WDR20: variants seen among roughly 807,000 people sequenced by gnomAD.
The protein encoded by WDR20 is WD repeat-containing protein 20.
WDR20 carries 3 observed loss-of-function variants against 38.7 expected under a neutral mutation model. That is an observed-to-expected ratio of 0.08 (90% CI 0.04 to 0.20). WDR20 has a LOEUF of 0.20. Among genes scored for constraint, WDR20 ranks in the 10% least tolerant of loss-of-function variants. The pLI, the probability that WDR20 is intolerant of heterozygous loss-of-function variation, is 1.00. For synonymous variants in WDR20, 298 were observed against 285.6 expected, an observed-to-expected ratio of 1.04 and a Z score of -0.44; for missense variants, 559 against 727.7, an observed-to-expected ratio of 0.77 and a Z score of 2.67.
chr14:102,150,527 A>G (rs1291269950), intron 1 of WDR20, among the ~76,000 whole-genome samples: 1 of 152,138 alleles, frequency 6.6e-6, no homozygotes, highest in African/African-American at 2.4e-5. Flanking sequence ...TAGTTACCGC[A>G]TTGTAGATTA....
Position 102,222,603 on chromosome 14 carries a change from G to A in WDR20, c.1693-227G>A, listed in dbSNP as rs143244586. On this transcript the variant is annotated intron_variant, in intron 3 of 3. Coordinates refer to the WDR20 transcript ENST00000335263. The surrounding 1 kb of genome is among the most constrained non-coding windows in gnomAD (Gnocchi z 4.4). ...AGCCCTGCCCGCCCTTCTCTTGGACGGTATTGAGGCCACAGTATTGCACCC... is the reference window on the plus strand; with the variant it reads ...AGCCCTGCCCGCCCTTCTCTTGGACAGTATTGAGGCCACAGTATTGCACCC... Among the ~76,000 whole-genome samples, 36 of 152,282 alleles carry A rather than the reference G, an allele frequency of 2.4e-4. No individual in the cohort carries two copies. Among genetic ancestry groups the A allele is most frequent in the Middle Eastern group, 3.4e-3 (1 of 294 alleles).
intron 1 of WDR20, among the ~76,000 whole-genome samples, chr14:102,166,237 C>T (rs2059760519): frequency 1.3e-5 from 2 of 152,066 alleles, no homozygotes; most frequent in Admixed American, 6.6e-5. Context: ...TCTCAGCCTC[C>T]CCTAAGCAAG....
intron 1 of WDR20, among the ~76,000 whole-genome samples, chr14:102,173,433 AATT>A (rs59078063): frequency 0.044 from 6,079 of 138,744 alleles, 267 homozygotes; most frequent in African/African-American, 0.11. Context: ...CTTTTTTTAA[AATT>A]ATTATTATTA....
intron 2 of WDR20, among the ~76,000 whole-genome samples, chr14:102,200,414 C>T (rs2060097856): frequency 6.6e-6 from 1 of 151,546 alleles, no homozygotes; most frequent in East Asian, 1.9e-4. Flanking sequence ...ATTCAGCTCA[C>T]TGTGGTGAAG....
chr14:102,149,055 C>G (rs996469145), intron 1 of WDR20, among the ~76,000 whole-genome samples: 1 of 151,892 alleles, frequency 6.6e-6, no homozygotes, highest in Non-Finnish European at 1.5e-5. Context: ...CGCAGCTACT[C>G]GGAAGGCTGA....
chr14:102,149,215 G>A (rs953201321), intron 1 of WDR20, among the ~76,000 whole-genome samples: 2 of 152,042 alleles, frequency 1.3e-5, no homozygotes, highest in African/African-American at 4.8e-5. Flanking sequence ...TTCTTTTGTA[G>A]AGACTGGGTC....
At position 102,210,143 on chromosome 14, in the gene WDR20, C is replaced by G. The variant is rs1056522323; in HGVS notation, c.*263C>G. ...AGTATATAGAGTCCCAAGGTTAGCG[C>G]TCCTGTATTAGACTATTTCAATTTT... On this transcript the variant is annotated 3_prime_UTR_variant, in exon 3 of 3. Transcript: ENST00000342702. 4 of 1,179,916 alleles carry G rather than the reference C, an allele frequency of 3.4e-6. No homozygotes were observed. The highest frequency in any genetic ancestry group is 4.2e-6 in the Non-Finnish European group (4 of 953,370). 73.1% of individuals were successfully genotyped at this position (1,179,916 alleles called of 1,614,324 possible). A position where few individuals can be genotyped will look rare whatever the true frequency, so the allele number is the denominator to read the frequency against.
Position 102,209,401 on chromosome 14 carries a change from G to A in WDR20, c.1231G>A (p.Ala411Thr). 6.2e-7 allele frequency: 1 copy of A among 1,614,168 alleles called. No homozygotes were observed. Among genetic ancestry groups the A allele is most frequent in the Non-Finnish European group, 8.5e-7 (1 of 1,180,034 alleles). Residue 411 changes from alanine to threonine, a missense_variant, in exon 3 of 3, where the codon GCT (alanine) becomes ACT (threonine). Physicochemically the swap from Ala to Thr is moderately conservative, Grantham distance 58. Transcript: ENST00000342702. The surrounding 1 kb of genome is among the most constrained non-coding windows in gnomAD (Gnocchi z 6.0). ...TGTCATGAATGCCACGAGTCCTCCT[G>A]CTGGAAGCAATGGGAACAGTGTTAC... ...TNVMNATSPPAGSNGNSVTTP... is the reference protein window; with the variant it reads ...TNVMNATSPPTGSNGNSVTTP...
At chr14:102,213,508 A>G, downstream of WDR20, 3 of 985,466 alleles carry the variant, frequency 3.0e-6, no homozygotes, top group Non-Finnish European at 3.6e-6. Flanking sequence ...GAAAGGAGCT[A>G]TCACAATCAT....
At chr14:102,187,901 G>A (rs928541727) in intron 1 of WDR20, among the ~76,000 whole-genome samples, 1 of 152,122 alleles carries the variant, frequency 6.6e-6, no homozygotes, top group African/African-American at 2.4e-5. Flanking sequence ...GAGTGCTTTG[G>A]GTGTAGGCCA....
intron 2 of WDR20, 77 bp downstream of exon 2, chr14:102,195,197 T>A: frequency 2.6e-6 from 4 of 1,521,314 alleles, no homozygotes; most frequent in Non-Finnish European, 2.7e-6. Context: ...GTCGGCCTTA[T>A]TTTGCACTTC....
chr14:102,163,376 C>T (rs2059144550), intron 1 of WDR20, among the ~76,000 whole-genome samples: 1 of 151,968 alleles, frequency 6.6e-6, no homozygotes, highest in Non-Finnish European at 1.5e-5. Context: ...GCCTGTAATC[C>T]CAGCACTTTG....
chr14:102,177,032 A>G (rs780847198), intron 1 of WDR20, among the ~76,000 whole-genome samples: 4 of 152,138 alleles, frequency 2.6e-5, no homozygotes, highest in Admixed American at 1.3e-4. Flanking sequence ...CCCACCTTGC[A>G]GTTACCATTT....
In WDR20 at chr14:102,209,949, CAATG is replaced by C. The variant is rs2062222441; in HGVS notation, c.*74_*77del. ...TTTTTCGTGGGAGGGGTGGGGTGTA[CAATG>C]AATGTGAATGACACTTCTTATTCTT... On this transcript the variant is annotated 3_prime_UTR_variant, in exon 3 of 3. Coordinates refer to ENST00000342702, the MANE Select transcript of WDR20 (RefSeq NM_144574.4). The surrounding 1 kb of genome is among the most constrained non-coding windows in gnomAD (Gnocchi z 6.0). 1.3e-6 allele frequency: 2 copies of C among 1,509,576 alleles called. No individual in the cohort carries two copies. The highest frequency in any genetic ancestry group is 4.5e-5 in the Admixed American group (2 of 44,898). 93.5% of individuals were successfully genotyped at this position (1,509,576 alleles called of 1,614,324 possible). A position where few individuals can be genotyped will look rare whatever the true frequency, so the allele number is the denominator to read the frequency against.
chr14:102,171,142 G>A (rs1332221501), intron 1 of WDR20, among the ~76,000 whole-genome samples: 1 of 151,590 alleles, frequency 6.6e-6, no homozygotes, highest in African/African-American at 2.4e-5. Flanking sequence ...AGTAGTGACG[G>A]TGTTTCACCA....
At chr14:102,175,833 C>T (rs1289568532) in intron 1 of WDR20, among the ~76,000 whole-genome samples, 2 of 152,028 alleles carry the variant, frequency 1.3e-5, no homozygotes, top group African/African-American at 4.8e-5. Context: ...GGGTTAAGTT[C>T]TTGATTTGAT....
intron 1 of WDR20, among the ~76,000 whole-genome samples, chr14:102,161,304 C>G (rs2058701157): frequency 6.7e-6 from 1 of 149,064 alleles, no homozygotes; most frequent in African/African-American, 2.5e-5. Flanking sequence ...GTGCCTAGCA[C>G]CATGCTCAGC....
chr14:102,203,013 C>T (rs889772716), intron 2 of WDR20, among the ~76,000 whole-genome samples: 5 of 152,230 alleles, frequency 3.3e-5, no homozygotes, highest in Non-Finnish European at 7.3e-5. Flanking sequence ...TTCTGCCACG[C>T]TGCCCATGGT....
intron 2 of WDR20, among the ~76,000 whole-genome samples, chr14:102,196,644 G>A (rs1013839167): frequency 6.6e-6 from 1 of 151,526 alleles, no homozygotes; most frequent in Non-Finnish European, 1.5e-5. Flanking sequence ...AAAGTTTTGT[G>A]TGTCGTGGCA....
Sources: gnomAD v4.1 joint callset for allele counts (sites outside exome capture counted in the v4.1 genomes callset) on GRCh38, gnomAD v4.1.1 for gene constraint, Gnocchi (gnomAD v3.1) non-coding constraint, MANE v1.5 for transcripts, NCBI Gene and HGNC (gene_info 2026-07-23, HGNC 2026-07-21) for gene names.